Variants in TBC1D4 observed in about 807,000 individuals in gnomAD.
TBC1D4 encodes TBC (Tre-2, BUB2, CDC16) domain-containing protein.
In TBC1D4, 121 loss-of-function variants were observed where a neutral mutation model predicts 142.5. The observed-to-expected ratio is 0.85, with a 90% CI of 0.73 to 0.99. The LOEUF (loss-of-function observed/expected upper bound fraction) is 0.99. Among genes scored for constraint, TBC1D4 ranks in the 50% least tolerant of loss-of-function variants. The pLI is 0.00. For missense variants in TBC1D4, 1,475 were observed against 1,606.6 expected (o/e 0.92, Z 1.40); for synonymous variants, 630 against 628.2 (o/e 1.00, Z -0.04).
intron 1 of TBC1D4, among the ~76,000 whole-genome samples, chr13:75,441,065 G>T (rs555364111): frequency 1.3e-5 from 2 of 152,188 alleles, no homozygotes; most frequent in South Asian, 4.2e-4. Flanking sequence ...GACCAGCCTG[G>T]CCAACATAGT....
chr13:75,441,652 T>C (rs1036904540), intron 1 of TBC1D4, among the ~76,000 whole-genome samples: 2 of 152,210 alleles, frequency 1.3e-5, no homozygotes, highest in East Asian at 3.8e-4. Context: ...ACACAGCACC[T>C]ATAGAGTTGG....
intron 10 of TBC1D4, 23 bp from the exon 11 acceptor site, chr13:75,324,424 A>G (rs955867060): frequency 1.9e-5 from 30 of 1,612,530 alleles, no homozygotes; most frequent in Non-Finnish European, 2.4e-5. Flanking sequence ...AATACAGCAA[A>G]TATGTCTTAA....
intron 7 of TBC1D4, among the ~76,000 whole-genome samples, chr13:75,337,642 C>A (rs1880336405): frequency 6.6e-6 from 1 of 152,076 alleles, no homozygotes; most frequent in Admixed American, 6.5e-5. Context: ...TCCTTAGTAG[C>A]AAAAAACTTT....
At chr13:75,315,262 C>A (rs549466713) in intron 12 of TBC1D4, among the ~76,000 whole-genome samples, 3 of 151,390 alleles carry the variant, frequency 2.0e-5, no homozygotes, top group African/African-American at 7.3e-5. Flanking sequence ...GAGCCGAGAT[C>A]GCATCCCTGC....
intron 1 of TBC1D4, among the ~76,000 whole-genome samples, chr13:75,383,946 C>T (rs1479489754): frequency 6.6e-6 from 1 of 152,154 alleles, no homozygotes; most frequent in Non-Finnish European, 1.5e-5. Context: ...TCATCTGCTG[C>T]TCTCCAGCTC....
intron 1 of TBC1D4, among the ~76,000 whole-genome samples, chr13:75,425,593 A>AT (rs1451416243): frequency 3.7e-4 from 56 of 152,350 alleles, no homozygotes; most frequent in Admixed American, 1.6e-3. Context: ...ATGAATGAAT[A>AT]TAAAAACTGT....
intron 1 of TBC1D4, chr13:75,375,696 C>T (rs1057116327): frequency 6.6e-6 from 1 of 151,606 alleles, no homozygotes; most frequent in Non-Finnish European, 1.5e-5. Context: ...CAACTGTATT[C>T]CAGGGAGCAG....
chr13:75,414,312 G>A (rs771023717), intron 1 of TBC1D4, among the ~76,000 whole-genome samples: 23 of 152,170 alleles, frequency 1.5e-4, no homozygotes, highest in Non-Finnish European at 2.6e-4. Context: ...CATACAGAAA[G>A]CCAAGGGCAT....
Position 75,479,981 on chromosome 13 carries a change from G to A in TBC1D4, c.498+1289C>T, listed in dbSNP as rs182369664. Among the ~76,000 whole-genome samples, 476 of 150,344 alleles carry A rather than the reference G, an allele frequency of 3.2e-3. 2 individuals are homozygous for A. Among genetic ancestry groups the A allele is most frequent in the African/African-American group, 0.011 (451 of 40,792 alleles). On this transcript the variant is annotated intron_variant, in intron 1 of 20. Coordinates refer to ENST00000377636, the MANE Select transcript of TBC1D4 (RefSeq NM_014832.5). ...CGGAAGGTGGAGGTTGCAGTGAGCC[G>A]AGATCGCACCACTGCGCTCCAGCCT...
At position 75,481,909 on chromosome 13, in the gene TBC1D4, C is replaced by A; in HGVS notation, c.-142G>T. 1.6e-6 allele frequency: 2 copies of A among 1,241,248 alleles called. No homozygotes were observed. The highest frequency in any genetic ancestry group is 1.6e-5 in the African/African-American group (1 of 62,616). The allele number at this position is 1,241,248 out of a possible 1,614,324, so 76.9% of individuals were successfully genotyped here. On this transcript the variant is annotated 5_prime_UTR_variant, in exon 1 of 21. Transcript: ENST00000377636. ...CTGGGAGCGGCGCGACCCCGAACTC[C>A]GCGCTTCAGCAGCCCTGCCCCATGC...
In TBC1D4 at chr13:75,362,508, G is replaced by C; in HGVS notation, c.598C>G (p.Gln200Glu). 1 of 1,614,238 alleles carries C rather than the reference G, an allele frequency of 6.2e-7. No individual in the cohort carries two copies. The highest frequency in any genetic ancestry group is 8.5e-7 in the Non-Finnish European group (1 of 1,180,048). Residue 200 changes from glutamine (Q) to glutamate (E), a missense_variant, in exon 2 of 21, where the codon CAG becomes GAG. Around this residue, in one of 2 missense-constraint regions of TBC1D4, gnomAD observed 1,227 missense variants for 1,267.7 expected, o/e 0.97. Coordinates refer to ENST00000377636, the MANE Select transcript of TBC1D4 (RefSeq NM_014832.5). This position sits in a 1 kb window ranked among gnomAD's most constrained non-coding sequence, Gnocchi z 4.2. ...CCACAGTACAGGACTTCGAACTTCT[G>C]AGAGTTGTAAAAGGCGTCCTCATTA... ...KDNEDAFYNS[Q>E]KFEVLYCGKV...
chr13:75,416,397 C>T (rs928202593), intron 1 of TBC1D4, among the ~76,000 whole-genome samples: 4 of 152,140 alleles, frequency 2.6e-5, no homozygotes, highest in African/African-American at 7.2e-5. Context: ...TTTTGCAAAC[C>T]GTTTATTCAA....
chr13:75,338,866 C>T (rs1166584098), intron 7 of TBC1D4, among the ~76,000 whole-genome samples: 4 of 152,194 alleles, frequency 2.6e-5, no homozygotes, highest in Non-Finnish European at 5.9e-5. Flanking sequence ...TTTCCCCACA[C>T]GGGAAACCCT....
At position 75,335,682 on chromosome 13, in the gene TBC1D4, A is replaced by C. The variant is rs1880136681; in HGVS notation, c.1731+1239T>G. Among the ~76,000 whole-genome samples, 3 of 151,926 alleles carry C rather than the reference A, an allele frequency of 2.0e-5. No individual in the cohort carries two copies. In the South Asian group the frequency reaches 6.2e-4, roughly 32 times the overall value. ...GTTCTCATGAGATCTGGTTGTTTAA[A>C]AGTATGCAGCACCTCCTCATTCTCT... On this transcript the variant is annotated intron_variant, in intron 8 of 20. Coordinates refer to ENST00000377636, the MANE Select transcript of TBC1D4 (RefSeq NM_014832.5).
chr13:75,376,766 C>T (rs1469451792), intron 1 of TBC1D4, among the ~76,000 whole-genome samples: 1 of 152,198 alleles, frequency 6.6e-6, no homozygotes, highest in Non-Finnish European at 1.5e-5. Context: ...CTAAAACTTA[C>T]TTCAACCAGT....
chr13:75,316,717 T>C (rs1043761616), intron 12 of TBC1D4, among the ~76,000 whole-genome samples: 2 of 152,206 alleles, frequency 1.3e-5, no homozygotes, highest in African/African-American at 2.4e-5. Context: ...CAAAACCAAA[T>C]GAAACACTGC....
intron 1 of TBC1D4, among the ~76,000 whole-genome samples, chr13:75,466,004 G>C (rs910046984): frequency 1.3e-5 from 2 of 152,082 alleles, no homozygotes; most frequent in Non-Finnish European, 2.9e-5. Flanking sequence ...CACCTGTATC[G>C]ACTGATGTCT....
chr13:75,424,597 T>C (rs970419412), intron 1 of TBC1D4, among the ~76,000 whole-genome samples: 1 of 152,118 alleles, frequency 6.6e-6, no homozygotes, highest in African/African-American at 2.4e-5. Flanking sequence ...GGCATCACAC[T>C]ACCTGATTTC....
intron 7 of TBC1D4, among the ~76,000 whole-genome samples, chr13:75,339,968 T>A (rs1396521427): frequency 2.0e-5 from 3 of 152,232 alleles, no homozygotes; most frequent in Non-Finnish European, 4.4e-5. Context: ...TCTCCTCTTC[T>A]CTTACTCTCT....
Sources: gnomAD v4.1 joint callset for allele counts (sites outside exome capture counted in the v4.1 genomes callset) on GRCh38, gnomAD v4.1.1 for gene constraint, gnomAD v4.1.1 regional missense constraint, Gnocchi (gnomAD v3.1) non-coding constraint, MANE v1.5 for transcripts, NCBI Gene and HGNC (gene_info 2026-07-23, HGNC 2026-07-21) for gene names.